The following DAAM1 variants were observed in gnomAD, a reference collection of about 807,000 sequenced individuals.
DAAM1 encodes disheveled-associated activator of morphogenesis 1.
Under a neutral mutation model 130.0 loss-of-function variants are expected in DAAM1, and 52 were observed. The observed-to-expected ratio is 0.40, with a 90% CI of 0.32 to 0.50. DAAM1 has a LOEUF of 0.50. Ranked by LOEUF, DAAM1 falls within the 20% of genes least tolerant of loss-of-function variation. The pLI is 0.61. For missense variants in DAAM1, 1,134 were observed against 1,303.8 expected, an observed-to-expected ratio of 0.87 and a Z score of 2.01; for synonymous variants, 452 against 444.5, an observed-to-expected ratio of 1.02 and a Z score of -0.21.
At chr14:59,358,540 C>T (rs1263413767) in intron 20 of DAAM1, among the ~76,000 whole-genome samples, 1 of 152,062 alleles carries the variant, frequency 6.6e-6, no homozygotes, top group Non-Finnish European at 1.5e-5. Flanking sequence ...TTGGGTGAAA[C>T]CTTATTAAAA....
At chr14:59,286,090 A>G (rs917366582) in intron 2 of DAAM1, among the ~76,000 whole-genome samples, 1 of 152,222 alleles carries the variant, frequency 6.6e-6, no homozygotes, top group Admixed American at 6.5e-5. Context: ...CCACAGTGGA[A>G]TAAAAATGGA....
intron 3 of DAAM1, among the ~76,000 whole-genome samples, chr14:59,304,227 A>G (rs1244195202): frequency 2.0e-5 from 3 of 152,238 alleles, no homozygotes; most frequent in African/African-American, 4.8e-5. Context: ...TAGAAGCTAT[A>G]TCAAAGAGGA....
intron 1 of DAAM1, among the ~76,000 whole-genome samples, chr14:59,229,286 TG>T (rs1889033485): frequency 1.3e-5 from 2 of 152,218 alleles, no homozygotes; most frequent in African/African-American, 4.8e-5. Context: ...GTGTGTCATT[TG>T]GCTTTTGATT....
intron 1 of DAAM1, among the ~76,000 whole-genome samples, chr14:59,251,598 C>G (rs1430910839): frequency 6.6e-6 from 1 of 152,136 alleles, no homozygotes; most frequent in African/African-American, 2.4e-5. Flanking sequence ...TTATAGCTGA[C>G]ATACCAACTT....
intron 2 of DAAM1, among the ~76,000 whole-genome samples, chr14:59,286,974 C>T (rs537891850): frequency 3.3e-5 from 5 of 152,022 alleles, no homozygotes; most frequent in South Asian, 4.1e-4. Context: ...GGCAGAGACA[C>T]AAGAAAAAAA....
chr14:59,366,319 T>C (rs1430814016), intron 23 of DAAM1, among the ~76,000 whole-genome samples: 1 of 152,216 alleles, frequency 6.6e-6, no homozygotes, highest in African/African-American at 2.4e-5. Flanking sequence ...CACTTTGGGT[T>C]GCATTAAAGA....
At chr14:59,330,830 C>G in intron 13 of DAAM1, 142 bp downstream of exon 13, 3 of 885,140 alleles carry the variant, frequency 3.4e-6, no homozygotes, top group Non-Finnish European at 3.3e-6. Context: ...GACTCACTCC[C>G]TCTGCTATCA....
chr14:59,236,153 G>A (rs1418501238), intron 1 of DAAM1, among the ~76,000 whole-genome samples: 1 of 151,858 alleles, frequency 6.6e-6, no homozygotes, highest in Non-Finnish European at 1.5e-5. Flanking sequence ...AGTATGAAGT[G>A]TCATTAATAG....
At chr14:59,336,436 T>A (rs1478901037) in intron 15 of DAAM1, among the ~76,000 whole-genome samples, 1 of 152,204 alleles carries the variant, frequency 6.6e-6, no homozygotes, top group East Asian at 1.9e-4. Flanking sequence ...TTCTCTCTGA[T>A]TTTTCAGTGA....
At chr14:59,256,912 A>G (rs1012784625) in intron 1 of DAAM1, among the ~76,000 whole-genome samples, 1 of 152,210 alleles carries the variant, frequency 6.6e-6, no homozygotes, top group Non-Finnish European at 1.5e-5. Flanking sequence ...TTCTTGGGCA[A>G]AATGTTGACT....
intron 1 of DAAM1, among the ~76,000 whole-genome samples, chr14:59,235,923 G>A (rs372737244): frequency 5.3e-5 from 8 of 152,034 alleles, no homozygotes; most frequent in Non-Finnish European, 1.0e-4. Context: ...GAGGTGGAGC[G>A]GAGACAGACC....
Position 59,369,793 on chromosome 14 carries a change from T to TTTG in DAAM1, c.*937_*939dup, listed in dbSNP as rs1198965850. On this transcript the variant is annotated 3_prime_UTR_variant, in exon 25 of 25. Transcript: ENST00000360909. ...AAAAAAAAAATTAATGGGGTGCCTT[T>TTTG]TTGTTATAGTTTCTATTTTCTGTTT... 11 of 150,324 alleles carry TTTG rather than the reference T, an allele frequency of 7.3e-5. No homozygotes were observed. The highest frequency in any genetic ancestry group is 2.7e-4 in the African/African-American group (11 of 41,002). 9.3% of individuals were successfully genotyped at this position (150,324 alleles called of 1,614,324 possible). A position where few individuals can be genotyped will look rare whatever the true frequency, so the allele number is the denominator to read the frequency against.
At chr14:59,303,110 A>T (rs1318749022) in intron 3 of DAAM1, among the ~76,000 whole-genome samples, 1 of 152,188 alleles carries the variant, frequency 6.6e-6, no homozygotes, top group East Asian at 1.9e-4. Flanking sequence ...TGGAACCAAG[A>T]TTCTAAATGT....
chr14:59,233,457 A>G (rs1889179891), intron 1 of DAAM1, among the ~76,000 whole-genome samples: 1 of 152,082 alleles, frequency 6.6e-6, no homozygotes, highest in Non-Finnish European at 1.5e-5. Context: ...GTGTCTGTTC[A>G]TATCCTTTGC....
At chr14:59,306,352 A>C (rs981993827) in intron 3 of DAAM1, among the ~76,000 whole-genome samples, 3 of 152,230 alleles carry the variant, frequency 2.0e-5, no homozygotes, top group African/African-American at 7.2e-5. Flanking sequence ...AATAGAATTC[A>C]ATAAATATTT....
At chr14:59,228,470 T>A (rs575400223) in intron 1 of DAAM1, among the ~76,000 whole-genome samples, 2 of 152,344 alleles carry the variant, frequency 1.3e-5, no homozygotes, top group Admixed American at 1.3e-4. Context: ...TGAAAATGGT[T>A]CGGAGTATCA....
At chr14:59,312,750 G>A (rs535770994) in intron 3 of DAAM1, among the ~76,000 whole-genome samples, 1 of 152,240 alleles carries the variant, frequency 6.6e-6, no homozygotes, top group East Asian at 1.9e-4. Flanking sequence ...TAGAAAGATT[G>A]TATATTTCTT....
intron 1 of DAAM1, among the ~76,000 whole-genome samples, chr14:59,253,567 T>G (rs538824940): frequency 6.6e-6 from 1 of 152,242 alleles, no homozygotes; most frequent in African/African-American, 2.4e-5. Flanking sequence ...AAATTTTGTT[T>G]CTTTATTTTC....
At chr14:59,227,660 A>G (rs954615059) in intron 1 of DAAM1, among the ~76,000 whole-genome samples, 1 of 152,160 alleles carries the variant, frequency 6.6e-6, no homozygotes, top group Non-Finnish European at 1.5e-5. Context: ...CCAGTTTTCC[A>G]GACCAGATCT....
Sources: gnomAD v4.1 joint callset for allele counts (sites outside exome capture counted in the v4.1 genomes callset) on GRCh38, gnomAD v4.1.1 for gene constraint, MANE v1.5 for transcripts, NCBI Gene and HGNC (gene_info 2026-07-23, HGNC 2026-07-21) for gene names.